Variants in TECPR2 observed in about 807,000 individuals in gnomAD.
TECPR2 encodes tectonin beta-propeller repeat containing 2, also known as tectonin beta-propeller repeat-containing protein 2.
Under a neutral mutation model 138.1 loss-of-function variants are expected in TECPR2, and 65 were observed. That is an observed-to-expected ratio of 0.47 (90% CI 0.39 to 0.58). The LOEUF is 0.58. TECPR2 is among the 20% of genes least tolerant of loss of function. The pLI is 0.00. For synonymous variants in TECPR2, 746 were observed against 749.8 expected, an observed-to-expected ratio of 0.99 and a Z score of 0.08; for missense variants, 1,553 against 1,824.5, an observed-to-expected ratio of 0.85 and a Z score of 2.71.
intron 4 of TECPR2, among the ~76,000 whole-genome samples, chr14:102,412,123 CTTTTTT>C (rs751930335): frequency 7.7e-5 from 7 of 90,672 alleles, no homozygotes; most frequent in African/African-American, 3.2e-4. Context: ...AATGTTGACA[CTTTTTT>C]TTTTTTTTTT....
At chr14:102,481,045 T>G (rs1481005522) in intron 17 of TECPR2, among the ~76,000 whole-genome samples, 1 of 147,136 alleles carries the variant, frequency 6.8e-6, no homozygotes, top group Non-Finnish European at 1.5e-5. Flanking sequence ...AGGGTCTCAC[T>G]CTGTCACCCA....
chr14:102,394,138 AT>A (rs1334989147), intron 2 of TECPR2, among the ~76,000 whole-genome samples: 1 of 152,192 alleles, frequency 6.6e-6, no homozygotes, highest in Admixed American at 6.6e-5. Flanking sequence ...ACTCCAGATC[AT>A]AAAGTTTCCC....
intron 17 of TECPR2, among the ~76,000 whole-genome samples, chr14:102,480,299 A>T (rs1048916287): frequency 6.6e-6 from 1 of 150,630 alleles, no homozygotes; most frequent in African/African-American, 2.4e-5. Context: ...ATCTCGGCTC[A>T]CTGCAAGCTC....
chr14:102,446,025 C>A, intron 13 of TECPR2, 78 bp downstream of exon 13: 1 of 1,453,992 alleles, frequency 6.9e-7, no homozygotes. Context: ...CTCTCTTTTC[C>A]TTAACGATAC....
chr14:102,426,164 G>T (rs189708277), intron 6 of TECPR2, among the ~76,000 whole-genome samples: 44 of 151,908 alleles, frequency 2.9e-4, no homozygotes, highest in African/African-American at 1.1e-3. Flanking sequence ...GGGGTTACAG[G>T]CGTGAACCGC....
rs1421986820 is a variant in TECPR2 at position 102,419,954 on chromosome 14, C to T, written c.639-5025C>T. Among the ~76,000 whole-genome samples, 1 of 152,138 alleles carries T rather than the reference C, an allele frequency of 6.6e-6. No homozygotes were observed. The highest frequency in any genetic ancestry group is 1.5e-5 in the Non-Finnish European group (1 of 68,024). On this transcript the variant is annotated intron_variant, in intron 5 of 19. Transcript: ENST00000359520. This position sits in a 1 kb window ranked among gnomAD's most constrained non-coding sequence, Gnocchi z 4.8. ...GCCAGCAGCCGGTTCTGGAACCCCG[C>T]GACTAGCACATCTGTTTGGATGGCC...
intron 17 of TECPR2, among the ~76,000 whole-genome samples, chr14:102,472,009 T>G (rs947924105): frequency 4.6e-5 from 7 of 152,216 alleles, no homozygotes; most frequent in African/African-American, 1.7e-4. Flanking sequence ...GTTTGTAGGA[T>G]CCCAGTGCAG....
At chr14:102,439,935 G>A (rs1254817414) in intron 10 of TECPR2, among the ~76,000 whole-genome samples, 2 of 152,216 alleles carry the variant, frequency 1.3e-5, no homozygotes, top group East Asian at 3.8e-4. Flanking sequence ...GTGCAAGTGT[G>A]TTCCTTCTGT....
Position 102,497,086 on chromosome 14 carries a change from G to T in TECPR2, c.3897G>T (p.Glu1299Asp), listed in dbSNP as rs755246704. 2 of 1,613,082 alleles carry T rather than the reference G, an allele frequency of 1.2e-6. No individual in the cohort carries two copies. The highest frequency in any genetic ancestry group is 4.5e-5 in the East Asian group (2 of 44,880). ...NVHVRTGITEEMPVGTAWEHV... is the reference protein window; with the variant it reads ...NVHVRTGITEDMPVGTAWEHV... Reference sequence around the variant, plus strand: ...ACGTGCGGACCGGGATCACCGAGGAGATGCCTGTGGGGACCGCCTGGGAGC... The same window carrying T: ...ACGTGCGGACCGGGATCACCGAGGATATGCCTGTGGGGACCGCCTGGGAGC... Residue 1299 changes from glutamate to aspartate, a missense_variant, in exon 18 of 20, where the codon GAG becomes GAT. Coordinates refer to ENST00000359520, the MANE Select transcript of TECPR2 (RefSeq NM_014844.5).
chr14:102,498,022 C>CGCCCAAGCTCCCAGCTCCAACTGT, intron 19 of TECPR2, 81 bp from the exon 20 acceptor site: 1 of 1,510,188 alleles, frequency 6.6e-7, no homozygotes, highest in Non-Finnish European at 8.9e-7. Flanking sequence ...CCCAGACCTG[C>CGCCCAAGCTCCCAGCTCCAACTGT]GCCCAAGCTC....
At chr14:102,422,851 T>C (rs1377388392) in intron 5 of TECPR2, among the ~76,000 whole-genome samples, 1 of 152,198 alleles carries the variant, frequency 6.6e-6, no homozygotes, top group Non-Finnish European at 1.5e-5. Context: ...TATATGTACA[T>C]ATACACAGTG....
chr14:102,364,707 TAAAG>T (rs1407505454), intron 1 of TECPR2, among the ~76,000 whole-genome samples: 2 of 152,096 alleles, frequency 1.3e-5, no homozygotes, highest in African/African-American at 4.8e-5. Context: ...AATTTTTTCT[TAAAG>T]AAGTTACACT....
chr14:102,492,868 T>C (rs900104027), intron 17 of TECPR2, among the ~76,000 whole-genome samples: 1 of 152,208 alleles, frequency 6.6e-6, no homozygotes, highest in African/African-American at 2.4e-5. Context: ...AGGCTGTTAA[T>C]GGGCGGAGGC....
At chr14:102,384,699 ATG>A (rs1473569032) in intron 2 of TECPR2, among the ~76,000 whole-genome samples, 5 of 145,498 alleles carry the variant, frequency 3.4e-5, no homozygotes, top group East Asian at 2.0e-4. Context: ...ATATATATAT[ATG>A]TGTGTGTGTG....
At chr14:102,435,530 AT>A (rs1352870984) in intron 9 of TECPR2, among the ~76,000 whole-genome samples, 3 of 152,210 alleles carry the variant, frequency 2.0e-5, no homozygotes, top group African/African-American at 7.2e-5. Flanking sequence ...GCAGGGCTGA[AT>A]TGGCCTGGGG....
intron 2 of TECPR2, among the ~76,000 whole-genome samples, chr14:102,386,770 A>T (rs886187024): frequency 2.6e-5 from 4 of 152,196 alleles, no homozygotes; most frequent in Non-Finnish European, 5.9e-5. Context: ...TTTGGCTGCC[A>T]GTTATTAGTG....
At chr14:102,431,563 T>G (rs1190541) in intron 7 of TECPR2, among the ~76,000 whole-genome samples, 19 of 152,170 alleles carry the variant, frequency 1.2e-4, no homozygotes, top group Admixed American at 7.2e-4. Context: ...AGGATGGTCT[T>G]GATCTCCTGA....
chr14:102,385,475 G>A (rs910360593), intron 2 of TECPR2, among the ~76,000 whole-genome samples: 1 of 152,140 alleles, frequency 6.6e-6, no homozygotes, highest in African/African-American at 2.4e-5. Context: ...TGACATGGTA[G>A]AACAGCATCC....
At chr14:102,484,883 C>G (rs995693703) in intron 17 of TECPR2, among the ~76,000 whole-genome samples, 1 of 152,236 alleles carries the variant, frequency 6.6e-6, no homozygotes, top group Non-Finnish European at 1.5e-5. Flanking sequence ...GTCTCGAACT[C>G]CTGGCCTCAG....
Sources: allele counts gnomAD v4.1 joint callset (sites outside exome capture counted in the v4.1 genomes callset), GRCh38; gene constraint gnomAD v4.1.1; non-coding constraint Gnocchi (gnomAD v3.1); transcripts MANE v1.5; gene names NCBI Gene and HGNC (gene_info 2026-07-23, HGNC 2026-07-21).